MYO15A: variants seen among roughly 807,000 people sequenced by gnomAD.
MYO15A encodes the protein myosin XVA, also known as unconventional myosin-XV.
Under a neutral mutation model 394.6 loss-of-function variants are expected in MYO15A, and 308 were observed. The ratio of observed to expected loss-of-function variants is 0.78; its 90% CI spans 0.71 to 0.86. The LOEUF (loss-of-function observed/expected upper bound fraction) is 0.86, where lower values mean the gene tolerates loss of function less well. MYO15A is among the 40% of genes least tolerant of loss of function. The pLI, the probability that MYO15A is intolerant of heterozygous loss-of-function variation, is 0.00. For missense variants in MYO15A, 4,606 were observed against 4,799.1 expected (o/e 0.96, Z 1.19); for synonymous variants, 1,957 against 2,003.8 (o/e 0.98, Z 0.62).
intron 1 of MYO15A, among the ~76,000 whole-genome samples, chr17:18,115,454 A>C (rs1021775910): frequency 6.6e-6 from 1 of 152,170 alleles, no homozygotes; most frequent in Non-Finnish European, 1.5e-5. Flanking sequence ...CCCTGTCTCT[A>C]CTAAAAATAC....
intron 8 of MYO15A, 123 bp from the exon 9 acceptor site, chr17:18,131,116 C>A: frequency 1.1e-6 from 1 of 883,930 alleles, no homozygotes; most frequent in South Asian, 1.6e-5. Flanking sequence ...CACCTCTGGT[C>A]ATCTCTCATA....
chr17:18,139,156 G>T, intron 18 of MYO15A: 1 of 677,504 alleles, frequency 1.5e-6, no homozygotes, highest in Admixed American at 2.3e-5. Context: ...CATGGGGCAG[G>T]TGTGAAAAAT....
chr17:18,112,412 G>A (rs2045733287), intron 1 of MYO15A, among the ~76,000 whole-genome samples: 1 of 151,828 alleles, frequency 6.6e-6, no homozygotes, highest in African/African-American at 2.4e-5. Flanking sequence ...GGGGGGTCGT[G>A]GGGGACAGGG....
chr17:18,172,497 T>C (rs1266125634), intron 64 of MYO15A: 5 of 756,866 alleles, frequency 6.6e-6, no homozygotes, highest in South Asian at 4.7e-5. Context: ...CATAGGGCTG[T>C]TGTGAAGGTG....
chr17:18,167,045 AAACTT>A (rs1340697767), intron 61 of MYO15A, among the ~76,000 whole-genome samples: 2 of 152,200 alleles, frequency 1.3e-5, no homozygotes, highest in Non-Finnish European at 2.9e-5. Flanking sequence ...ACTGGTGCCA[AAACTT>A]CAGGAATTGT....
rs780021258 is a variant in MYO15A, at chr17:18,119,537, A to G, written c.737A>G (p.Tyr246Cys). The part of the protein sequence containing the change: ...YDYHRDGDDY[Y>C]DRQSLHRYEE... ...TATCACCGCGACGGCGACGACTACT[A>G]CGACCGGCAGTCACTCCACCGCTAC... The change falls in exon 2 of 66, where the codon TAC (tyrosine) becomes TGC (cysteine). Residue 246 changes from tyrosine to cysteine, a missense_variant. By Grantham distance (194) the Tyr-to-Cys change is radical (BLOSUM62 -2). Transcript: ENST00000647165. The G allele has an allele frequency of 1.9e-6, 3 of 1,609,158 alleles. No individual in the cohort carries two copies. Among genetic ancestry groups the G allele is most frequent in the Non-Finnish European group, 2.5e-6 (3 of 1,179,908 alleles).
In MYO15A at chr17:18,121,343, C is replaced by T. The variant is rs1437178370; in HGVS notation, c.2543C>T (p.Ser848Leu). 3.5e-6 allele frequency: 5 copies of T among 1,412,646 alleles called. No individual in the cohort carries two copies. Among genetic ancestry groups the T allele is most frequent in the Admixed American group, 3.0e-5 (1 of 32,910 alleles). 87.5% of individuals were successfully genotyped at this position (1,412,646 alleles called of 1,614,324 possible). Residue 848 changes from serine (S) to leucine (L), a missense_variant, in exon 2 of 66, where the codon TCG becomes TTG. Physicochemically the swap from Ser to Leu is moderately radical, Grantham distance 145 (BLOSUM62 -2). Around this residue, in one of 2 missense-constraint regions of MYO15A, gnomAD observed 1,830 missense variants for 1,689.7 expected, o/e 1.08. Coordinates refer to ENST00000647165, the MANE Select transcript of MYO15A (RefSeq NM_016239.4). The surrounding 1 kb of genome is among the most constrained non-coding windows in gnomAD (Gnocchi z 5.3). ...SPLPGSPRPP[S>L]PPLGLCHSPR... is the part of the protein sequence containing the mutation. ...CTGCCGGGCTCACCCAGGCCGCCCT[C>T]GCCGCCCCTGGGGCTCTGCCACAGC...
intron 4 of MYO15A, 144 bp downstream of exon 4, chr17:18,125,375 G>A: frequency 2.4e-6 from 2 of 827,406 alleles, no homozygotes; most frequent in South Asian, 1.4e-5. Context: ...ACTAAAATCT[G>A]AAGTCTTAAA....
chr17:18,166,583 C>G (rs1306445494), intron 61 of MYO15A, 62 bp downstream of exon 61: 25 of 1,590,908 alleles, frequency 1.6e-5, no homozygotes, highest in Non-Finnish European at 2.1e-5. Context: ...GCCTGTGAAT[C>G]AGACTCCACA....
Position 18,154,837 on chromosome 17 carries a change from T to C in MYO15A, c.8224+82T>C, listed in dbSNP as rs561827601. 2.0e-4 allele frequency: 291 copies of C among 1,478,646 alleles called. 1 individual carries two copies. The highest frequency in any genetic ancestry group is 1.1e-3 in the Middle Eastern group (6 of 5,564). The allele number at this position is 1,478,646 out of a possible 1,614,324, so 91.6% of individuals were successfully genotyped here. ...CCCTGTCCCAGAGGGAGACTGAGGC[T>C]GACAAGCCCAGGCCCACCATCTCCC... On this transcript the variant is annotated intron_variant, in intron 45 of 65. Coordinates refer to ENST00000647165, the MANE Select transcript of MYO15A (RefSeq NM_016239.4).
chr17:18,143,486 C>G, intron 25 of MYO15A, 80 bp from the exon 26 acceptor site: 1 of 1,506,854 alleles, frequency 6.6e-7, no homozygotes, highest in Non-Finnish European at 9.0e-7. Flanking sequence ...GGCCGCCTTG[C>G]GTAAGCTGGC....
chr17:18,176,540 T>TC (rs1332572729), intron 65 of MYO15A: 54 of 134,110 alleles, frequency 4.0e-4, no homozygotes, highest in African/African-American at 1.5e-3. Context: ...TTTTTACTTT[T>TC]CTTTTTTTTT....
At chr17:18,163,037 G>A (rs1016756473) in intron 58 of MYO15A, among the ~76,000 whole-genome samples, 7 of 152,118 alleles carry the variant, frequency 4.6e-5, no homozygotes, top group African/African-American at 1.7e-4. Context: ...AAATGAATGG[G>A]AGACACAAGC....
rs530975087 is a variant in MYO15A at position 18,143,622 on chromosome 17, G to A, written c.5964+3G>A. On this transcript the variant is annotated splice_donor_region_variant and intron_variant, in intron 26 of 65. Transcript: ENST00000647165. Reference sequence around the variant, plus strand: ...GGGCGCTGCTGTGGGAGCAGGAGGTGGGTGTGGGTCTGGGTGGCAGCAGGG... The same window carrying A: ...GGGCGCTGCTGTGGGAGCAGGAGGTAGGTGTGGGTCTGGGTGGCAGCAGGG... 2.6e-6 allele frequency: 4 copies of A among 1,567,832 alleles called. No homozygotes were observed. In the East Asian group the frequency reaches 9.4e-5, roughly 37 times the overall value.
intron 7 of MYO15A, among the ~76,000 whole-genome samples, chr17:18,127,836 TATATA>T (rs2046080044): frequency 1.8e-5 from 1 of 55,918 alleles, no homozygotes; most frequent in African/African-American, 7.3e-5. Flanking sequence ...AAAAAAAAGA[TATATA>T]TATATATATA....
chr17:18,157,171 G>C lies in MYO15A; in HGVS notation c.8729G>C (p.Cys2910Ser), dbSNP rs2142386948. ...TGGCCCATAGGCTACAGTGCTGGCTGCGTGGTTCGCAGGAAGGTGGTGTAC... is the reference window on the plus strand; with the variant it reads ...TGGCCCATAGGCTACAGTGCTGGCTCCGTGGTTCGCAGGAAGGTGGTGTAC... ...EPPRVGYSAG[C>S]VVRRKVVYLE... The change falls in exon 50 of 66, where the codon TGC becomes TCC. Residue 2910 changes from cysteine to serine, a missense_variant. Physicochemically the swap from Cys to Ser is moderately radical, Grantham distance 112. This residue lies in a region of MYO15A where 2,776 missense variants were observed against 3,109.3 expected (regional missense o/e 0.89). Transcript: ENST00000647165. 1 of 1,610,654 alleles carries C rather than the reference G, an allele frequency of 6.2e-7. No individual in the cohort carries two copies. The highest frequency in any genetic ancestry group is 2.2e-5 in the East Asian group (1 of 44,740).
intron 44 of MYO15A, among the ~76,000 whole-genome samples, 169 bp downstream of exon 44, chr17:18,154,359 G>C (rs189295065): frequency 3.9e-5 from 6 of 152,330 alleles, no homozygotes; most frequent in Admixed American, 3.9e-4. Flanking sequence ...GGCAGGGTCA[G>C]TGAGCCCACA....
intron 44 of MYO15A, 44 bp from the exon 45 acceptor site, chr17:18,154,636 G>T (rs980495737): frequency 8.1e-6 from 13 of 1,598,586 alleles, no homozygotes; most frequent in Admixed American, 1.7e-5. Context: ...GGTCCCAGCT[G>T]GGGGAGTCCC....
At chr17:18,139,132 A>G in intron 18 of MYO15A, 196 bp downstream of exon 18, 1 of 756,158 alleles carries the variant, frequency 1.3e-6, no homozygotes, top group South Asian at 1.6e-5. Context: ...ATGGGGTAAT[A>G]ATAGTGCCCA....
Sources: allele counts gnomAD v4.1 joint callset (sites outside exome capture counted in the v4.1 genomes callset), GRCh38; gene constraint gnomAD v4.1.1; regional missense constraint gnomAD v4.1.1; non-coding constraint Gnocchi (gnomAD v3.1); transcripts MANE v1.5; gene names NCBI Gene and HGNC (gene_info 2026-07-23, HGNC 2026-07-21).